Variants in AKAP19 observed in about 807,000 individuals in gnomAD.
The protein encoded by AKAP19 is A-kinase anchoring protein 19, also known as small A-kinase anchoring protein.
chr2:189,997,125 G>A, the AKAP19 span, among the ~76,000 whole-genome samples: 1 of 152,226 alleles, frequency 6.6e-6, no homozygotes, highest in Non-Finnish European at 1.5e-5. Flanking sequence ...TGGTTAGCCA[G>A]GGTGTTGCAG....
At chr2:190,107,316 G>T in the AKAP19 span, among the ~76,000 whole-genome samples, 1 of 152,032 alleles carries the variant, frequency 6.6e-6, no homozygotes, top group Non-Finnish European at 1.5e-5. Flanking sequence ...TCACTGGCTT[G>T]CTAAGATAAT....
At chr2:189,910,094 A>G in the AKAP19 span, among the ~76,000 whole-genome samples, 1 of 152,062 alleles carries the variant, frequency 6.6e-6, no homozygotes. Context: ...ATCATTTGAA[A>G]TTGATGGGGC....
chr2:190,139,198 G>T, the AKAP19 span, among the ~76,000 whole-genome samples: 2 of 152,184 alleles, frequency 1.3e-5, no homozygotes, highest in Non-Finnish European at 2.9e-5. Context: ...TTTAGATGGT[G>T]GTGAGCTGGT....
At chr2:189,954,366 CATATG>C in the AKAP19 span, among the ~76,000 whole-genome samples, 1 of 152,094 alleles carries the variant, frequency 6.6e-6, no homozygotes, top group African/African-American at 2.4e-5. Context: ...AAGATCAGAA[CATATG>C]ATAAGATCAG....
At chr2:190,137,915 C>G in the AKAP19 span, 1 of 4,162 alleles carries the variant, frequency 2.4e-4, no homozygotes, top group Non-Finnish European at 2.0e-3. Context: ...ATTGACACAC[C>G]AAACCCTTAC....
chr2:190,140,502 G>A, the AKAP19 span, among the ~76,000 whole-genome samples: 1 of 152,218 alleles, frequency 6.6e-6, no homozygotes, highest in Non-Finnish European at 1.5e-5. Flanking sequence ...CCAAACCTCA[G>A]TCCTTGACTT....
the AKAP19 span, among the ~76,000 whole-genome samples, chr2:189,979,207 C>T: frequency 1.3e-5 from 2 of 152,066 alleles, no homozygotes; most frequent in Admixed American, 6.6e-5. Context: ...GTAACCAAAA[C>T]AACATGGTAC....
At chr2:190,110,561 G>T in the AKAP19 span, among the ~76,000 whole-genome samples, 1 of 152,158 alleles carries the variant, frequency 6.6e-6, no homozygotes, top group Non-Finnish European at 1.5e-5. Flanking sequence ...TTACAATAAA[G>T]AGAATAAATA....
the AKAP19 span, among the ~76,000 whole-genome samples, chr2:189,906,065 T>A: frequency 1.3e-5 from 2 of 152,044 alleles, no homozygotes; most frequent in African/African-American, 2.4e-5. Context: ...TTAAACAGAT[T>A]TACCAAGCAT....
chr2:190,102,062 T>C, the AKAP19 span, among the ~76,000 whole-genome samples: 4 of 152,110 alleles, frequency 2.6e-5, no homozygotes, highest in Admixed American at 6.6e-5. Flanking sequence ...CAAAGCACAC[T>C]AATACATGGA....
chr2:190,087,132 A>C, the AKAP19 span, among the ~76,000 whole-genome samples: 1 of 152,242 alleles, frequency 6.6e-6, no homozygotes, highest in Non-Finnish European at 1.5e-5. Context: ...ATTATATATT[A>C]GTTGCTGGCT....
At chr2:189,932,205 C>T in the AKAP19 span, among the ~76,000 whole-genome samples, 11 of 152,100 alleles carry the variant, frequency 7.2e-5, no homozygotes, top group South Asian at 2.1e-4. Context: ...GTCAGGAGTT[C>T]GAGACCAGCC....
At chr2:190,105,939 G>A in the AKAP19 span, among the ~76,000 whole-genome samples, 9 of 152,236 alleles carry the variant, frequency 5.9e-5, no homozygotes, top group African/African-American at 2.2e-4. Flanking sequence ...CACATTGTAA[G>A]TGCTGGAAAT....
the AKAP19 span, among the ~76,000 whole-genome samples, chr2:190,018,183 T>C: frequency 1.3e-5 from 2 of 152,194 alleles, no homozygotes; most frequent in Non-Finnish European, 2.9e-5. Flanking sequence ...CCTCAATATT[T>C]GTGCCTTTCC....
the AKAP19 span, among the ~76,000 whole-genome samples, chr2:189,944,091 A>C: frequency 6.6e-6 from 1 of 152,212 alleles, no homozygotes; most frequent in African/African-American, 2.4e-5. Flanking sequence ...AGTATTTTGC[A>C]GTGTGAGACG....
chr2:190,200,879 T>TTACAAAGAGCAATCCAA, the AKAP19 span: 2 of 167,044 alleles, frequency 1.2e-5, no homozygotes, highest in Admixed American at 1.3e-4. Flanking sequence ...GGGGTACCTT[T>TTACAAAGAGCAATCCAA]TACAAAGAGC....
the AKAP19 span, among the ~76,000 whole-genome samples, chr2:190,066,159 A>G: frequency 6.6e-6 from 1 of 152,012 alleles, no homozygotes; most frequent in South Asian, 2.1e-4. Context: ...ATCTCACAAG[A>G]CTGGTATGGT....
chr2:190,198,581 G>A, the AKAP19 span, among the ~76,000 whole-genome samples: 16 of 138,754 alleles, frequency 1.2e-4, no homozygotes, highest in African/African-American at 3.5e-4. Context: ...ACAGTGAGCC[G>A]TGATTGCATC....
At chr2:189,915,306 G>T in the AKAP19 span, among the ~76,000 whole-genome samples, 2 of 152,062 alleles carry the variant, frequency 1.3e-5, no homozygotes, top group Non-Finnish European at 2.9e-5. Flanking sequence ...AGAGCAGCAT[G>T]ATGTAGTTTT....
Sources: gnomAD v4.1 joint callset for allele counts (sites outside exome capture counted in the v4.1 genomes callset) on GRCh38, gnomAD v4.1.1 for gene constraint, MANE v1.5 for transcripts, NCBI Gene and HGNC (gene_info 2026-07-23, HGNC 2026-07-21) for gene names.